The following OBSL1 variants were observed in gnomAD, a reference collection of about 807,000 sequenced individuals.
OBSL1 encodes obscurin like cytoskeletal adaptor 1.
Under a neutral mutation model 172.0 loss-of-function variants are expected in OBSL1, and 160 were observed. The observed-to-expected ratio is 0.93, with a 90% confidence interval of 0.82 to 1.06. OBSL1 has a LOEUF of 1.06. OBSL1 is among the 50% of genes least tolerant of loss of function. The probability of loss-of-function intolerance (pLI) is 0.00; values close to 1 mark genes in which losing one functional copy is unlikely to be tolerated. For missense variants in OBSL1, 2,681 were observed against 2,715.4 expected, an observed-to-expected ratio of 0.99 and a Z score of 0.28; for synonymous variants, 1,200 against 1,196.3, an observed-to-expected ratio of 1.00 and a Z score of -0.06.
chr2:219,564,805 G>A (rs1696759951), intron 6 of OBSL1, among the ~76,000 whole-genome samples: 1 of 152,192 alleles, frequency 6.6e-6, no homozygotes, highest in South Asian at 2.1e-4. Context: ...GCCAGGCATG[G>A]TGGCTCATAC....
intron 9 of OBSL1, 59 bp downstream of exon 9, chr2:219,559,164 GGT>G: frequency 2.9e-5 from 43 of 1,483,194 alleles, no homozygotes; most frequent in Non-Finnish European, 3.8e-5. Flanking sequence ...GGGCTAGGTG[GGT>G]GTCTGTCCCT....
At chr2:219,569,075 C>CAAAAA (rs34533377) in intron 1 of OBSL1, 16 of 142,204 alleles carry the variant, frequency 1.1e-4, no homozygotes, top group African/African-American at 4.2e-4. Flanking sequence ...AAGTGTATTT[C>CAAAAA]AAAAAAAAAA....
At chr2:219,559,095 G>T in intron 9 of OBSL1, 130 bp downstream of exon 9, 1 of 907,614 alleles carries the variant, frequency 1.1e-6, no homozygotes, top group Non-Finnish European at 1.6e-6. Context: ...GCAGGATTCT[G>T]ATGGCCAAAC....
Position 219,568,103 on chromosome 2 carries a change from A to G in OBSL1, c.1234T>C (p.Cys412Arg), listed in dbSNP as rs1170040822. Residue 412 changes from cysteine to arginine, a missense_variant, in exon 2 of 21, where the codon TGC becomes CGC. By Grantham distance (180) the Cys-to-Arg change is radical. This residue lies in a region of OBSL1 where 706 missense variants were observed against 695.8 expected (regional missense o/e 1.01). Transcript: ENST00000404537. This position sits in a 1 kb window ranked among gnomAD's most constrained non-coding sequence, Gnocchi z 4.1. ...LKADDDGIYLCEMRGRVRTVA... is the reference protein window; with the variant it reads ...LKADDDGIYLREMRGRVRTVA... Reference sequence around the variant, plus strand: ...GTGCGCACCCGGCCCCGCATCTCGCACAGGTAGATACCATCATCGTCTGCC... The same window carrying G: ...GTGCGCACCCGGCCCCGCATCTCGCGCAGGTAGATACCATCATCGTCTGCC... 6.2e-7 allele frequency: 1 copy of G among 1,613,382 alleles called. No individual in the cohort carries two copies. The highest frequency in any genetic ancestry group is 2.2e-5 in the East Asian group (1 of 44,864).
At chr2:219,550,966 G>C in intron 20 of OBSL1, 124 bp from the exon 21 acceptor site, 1 of 1,537,206 alleles carries the variant, frequency 6.5e-7, no homozygotes, top group Non-Finnish European at 8.7e-7. Flanking sequence ...TACCCTTTCT[G>C]GGCCTTGGTT....
intron 8 of OBSL1, chr2:219,562,135 A>G (rs1696524718): frequency 4.5e-6 from 3 of 671,644 alleles, no homozygotes; most frequent in Non-Finnish European, 8.3e-6. Flanking sequence ...CCGTATTTGC[A>G]TTACTCACCT....
downstream of OBSL1, chr2:219,548,229 C>G: frequency 1.4e-6 from 1 of 738,388 alleles, no homozygotes; most frequent in South Asian, 2.2e-5. Flanking sequence ...AGGATAGCAC[C>G]CAGGTGCCAT....
chr2:219,558,559 T>G, intron 9 of OBSL1, 100 bp from the exon 10 acceptor site: 1 of 1,330,892 alleles, frequency 7.5e-7, no homozygotes, highest in Non-Finnish European at 1.0e-6. Flanking sequence ...AGCACAGCTC[T>G]TGAGAACAGT....
chr2:219,547,358 C>T (rs1362016932), downstream of OBSL1: 1 of 602,342 alleles, frequency 1.7e-6, no homozygotes, highest in Non-Finnish European at 2.6e-6. Flanking sequence ...TCACTGATGC[C>T]GTCATGACTC....
At chr2:219,550,955 C>T (rs1427320470) in intron 20 of OBSL1, 113 bp from the exon 21 acceptor site, 2 of 1,543,280 alleles carry the variant, frequency 1.3e-6, no homozygotes, top group East Asian at 2.4e-5. Context: ...AGGTTCTGCC[C>T]TACCCTTTCT....
At chr2:219,562,995 G>T in intron 7 of OBSL1, 1 of 478,602 alleles carries the variant, frequency 2.1e-6, no homozygotes, top group Non-Finnish European at 3.7e-6. Flanking sequence ...GAGGGTTGGG[G>T]GGAGGAGCTG....
rs745666293 is a variant in OBSL1, at chr2:219,557,525, C to G, written c.3884G>C (p.Gly1295Ala). 8 of 1,552,764 alleles carry G rather than the reference C, an allele frequency of 5.2e-6. 1 individual carries two copies. The South Asian group carries it at 9.5e-5, about 18-fold the overall frequency. Residue 1295 changes from glycine to alanine, a missense_variant, in exon 12 of 21, where the codon GGG becomes GCG. Gly to Ala is a moderately conservative substitution (Grantham distance 60, BLOSUM62 0). Transcript: ENST00000404537. ...GDLELVVHLSGPGGPVRWYKD... is the reference protein window; with the variant it reads ...GDLELVVHLSAPGGPVRWYKD... ...GTACCAGCGTACAGGGCCCCCTGGC[C>G]CGGAGAGGTGCACCACCAGCTCTAG...
intron 20 of OBSL1, chr2:219,551,106 T>C: frequency 7.1e-7 from 1 of 1,410,008 alleles, no homozygotes. Flanking sequence ...GAAAGAGGCT[T>C]CTGCCAAGGC....
chr2:219,552,256 C>T (rs1316134070), intron 18 of OBSL1, 40 bp from the exon 19 acceptor site: 6 of 1,536,984 alleles, frequency 3.9e-6, no homozygotes, highest in South Asian at 1.2e-5. Context: ...GGAGCCACCT[C>T]TGAGGAGCGT....
At chr2:219,549,712 C>T (rs753533096), downstream of OBSL1, 4 of 1,613,356 alleles carry the variant, frequency 2.5e-6, no homozygotes, top group East Asian at 6.7e-5. Flanking sequence ...TTTGCTCCCC[C>T]ACAGAGCTAT....
At chr2:219,548,841 A>C (rs367709729), downstream of OBSL1, among the ~76,000 whole-genome samples, 22 of 152,260 alleles carry the variant, frequency 1.4e-4, no homozygotes, top group Admixed American at 7.2e-4. Flanking sequence ...ACCAGTGAAG[A>C]AGCAGCTGTG....
downstream of OBSL1, chr2:219,547,917 A>T: frequency 6.3e-7 from 1 of 1,596,368 alleles, no homozygotes. Flanking sequence ...TACTTCGCCG[A>T]GCTGCTACTG....
At chr2:219,552,801 G>C in intron 17 of OBSL1, 67 bp downstream of exon 17, 1 of 1,529,464 alleles carries the variant, frequency 6.5e-7, no homozygotes, top group South Asian at 1.2e-5. Flanking sequence ...ATCAGGGTCC[G>C]GGGAAGACAG....
At chr2:219,547,704 GGCTGCTGCTCGGCCTGCTGCTC>G, downstream of OBSL1, 1 of 1,571,470 alleles carries the variant, frequency 6.4e-7, no homozygotes, top group Non-Finnish European at 8.6e-7. Flanking sequence ...TTCCTGGTGG[GGCTGCTGCTCGGCCTGCTGCTC>G]GCAGCTGCTG....
Sources: allele counts gnomAD v4.1 joint callset (sites outside exome capture counted in the v4.1 genomes callset), GRCh38; gene constraint gnomAD v4.1.1; regional missense constraint gnomAD v4.1.1; non-coding constraint Gnocchi (gnomAD v3.1); transcripts MANE v1.5; gene names NCBI Gene and HGNC (gene_info 2026-07-23, HGNC 2026-07-21).